Variants in STK35 observed in about 807,000 individuals in gnomAD.
STK35 encodes serine/threonine-protein kinase 35.
A neutral mutation model predicts 37.3 loss-of-function variants in STK35; 17 were observed. That is an observed-to-expected ratio of 0.46 (90% CI 0.31 to 0.68). STK35 has a LOEUF of 0.68. STK35 is among the 30% of genes least tolerant of loss of function. STK35 has a pLI of 0.05. For missense variants in STK35, 595 were observed against 746.7 expected (o/e 0.80, Z 2.37); for synonymous variants, 385 against 319.1 (o/e 1.21, Z -2.20).
At chr20:2,138,699 C>T (rs1310549722) in intron 3 of STK35, among the ~76,000 whole-genome samples, 3 of 152,140 alleles carry the variant, frequency 2.0e-5, no homozygotes, top group Non-Finnish European at 4.4e-5. Flanking sequence ...TTCCTACTTA[C>T]TTTCATCATC....
intron 3 of STK35, among the ~76,000 whole-genome samples, chr20:2,129,688 G>C (rs536263831): frequency 4.7e-4 from 72 of 152,332 alleles, no homozygotes; most frequent in African/African-American, 1.6e-3. Flanking sequence ...CATAGGTACA[G>C]TTTCAGTTGT....
At chr20:2,108,386 T>TG (rs1167866883) in intron 2 of STK35, among the ~76,000 whole-genome samples, 1 of 152,034 alleles carries the variant, frequency 6.6e-6, no homozygotes, top group Non-Finnish European at 1.5e-5. Context: ...GGCGGGCGCC[T>TG]GTAATCCCAG....
intron 2 of STK35, among the ~76,000 whole-genome samples, chr20:2,114,806 TCTTC>T (rs755774637): frequency 1.7e-4 from 26 of 152,390 alleles, no homozygotes; most frequent in Non-Finnish European, 2.9e-5. Context: ...CCATCATTCC[TCTTC>T]CTTTATTCCC....
At chr20:2,115,911 T>C (rs1316265347) in intron 2 of STK35, among the ~76,000 whole-genome samples, 2 of 151,972 alleles carry the variant, frequency 1.3e-5, no homozygotes, top group African/African-American at 2.4e-5. Flanking sequence ...CCCTTCACTG[T>C]TTATATGAGT....
intron 3 of STK35, among the ~76,000 whole-genome samples, chr20:2,134,741 A>G (rs1334188050): frequency 4.6e-5 from 7 of 151,996 alleles, no homozygotes; most frequent in Non-Finnish European, 1.0e-4. Context: ...AAATACAAAA[A>G]TTAGCCGGGC....
chr20:2,117,669 T>C lies in STK35; in HGVS notation c.*37+254T>C, dbSNP rs1985741490. 6.6e-6 allele frequency among the ~76,000 whole-genome samples: 1 copy of C among 152,164 alleles called. No individual in the cohort carries two copies. Among genetic ancestry groups the C allele is most frequent in the African/African-American group, 2.4e-5 (1 of 41,442 alleles). On this transcript the variant is annotated intron_variant, in intron 3 of 3. Coordinates refer to ENST00000381482, the MANE Select transcript of STK35 (RefSeq NM_080836.4). This position sits in a 1 kb window ranked among gnomAD's most constrained non-coding sequence, Gnocchi z 4.4. ...CATGTTGGCTAGGCTGGTCTCAAAC[T>C]TCTGACCTCAAGCGATCTGCTGGTC...
chr20:2,102,240 G>C lies in STK35; in HGVS notation c.294+65G>C, dbSNP rs1033566814. On this transcript the variant is annotated intron_variant, in intron 1 of 3. Transcript: ENST00000381482. ...CTGGAGTTACTGCCACTGCCTCCGC[G>C]CTTGGGAAGGGAAATCGGGTCCTCG... 5 of 1,383,332 alleles carry C rather than the reference G, an allele frequency of 3.6e-6. No individual in the cohort carries two copies. The Admixed American group carries it at 1.6e-4, about 44-fold the overall frequency. 85.7% of individuals were successfully genotyped at this position (1,383,332 alleles called of 1,614,324 possible).
chr20:2,104,785 A>G (rs1279664937), intron 2 of STK35, among the ~76,000 whole-genome samples: 1 of 152,136 alleles, frequency 6.6e-6, no homozygotes, highest in East Asian at 1.9e-4. Context: ...TAGATGTCTA[A>G]CTTTATAAAG....
At chr20:2,143,453 C>G (rs780749969) in intron 3 of STK35, among the ~76,000 whole-genome samples, 1 of 152,170 alleles carries the variant, frequency 6.6e-6, no homozygotes, top group African/African-American at 2.4e-5. Context: ...AGGGTGGGCC[C>G]TGCGGTGTCT....
At position 2,101,891 on chromosome 20, in the gene STK35, C is replaced by CA; in HGVS notation, c.11dup (p.Glu5GlyfsTer20). 6.9e-7 allele frequency: 1 copy of CA among 1,442,236 alleles called. No individual in the cohort carries two copies. The highest frequency in any genetic ancestry group is 1.5e-5 in the African/African-American group (1 of 68,114). The allele number at this position is 1,442,236 out of a possible 1,614,324, so 89.3% of individuals were successfully genotyped here. A position where few individuals can be genotyped will look rare whatever the true frequency, so the allele number is the denominator to read the frequency against. On this transcript the variant is annotated frameshift_variant, in exon 1 of 4. Transcript: ENST00000381482. LOFTEE classifies it high-confidence loss of function. ...GCTGGCGTCCCGGGGGATGGGCCAC[C>CA]AGGAGTCTCCGCTGGCCCGGGCGCC...
intron 3 of STK35, among the ~76,000 whole-genome samples, chr20:2,118,506 C>CG (rs1985759320): frequency 6.6e-6 from 1 of 151,918 alleles, no homozygotes; most frequent in Non-Finnish European, 1.5e-5. Context: ...GGTGTGAACC[C>CG]GGGAGGCGGA....
Position 2,102,162 on chromosome 20 carries a change from G to A in STK35, c.281G>A (p.Arg94Lys), listed in dbSNP as rs1356242781. ...GGGAAACGGGCCGCCCGGAAGTGGAGGTGCGCGGGCCAGGTAAGGGCGCCG... is the reference window on the plus strand; with the variant it reads ...GGGAAACGGGCCGCCCGGAAGTGGAAGTGCGCGGGCCAGGTAAGGGCGCCG... ...PGGKRAARKW[R>K]CAGQVTIQGP... The change falls in exon 1 of 4, where the codon AGG becomes AAG. Residue 94 changes from arginine to lysine, a missense_variant. This residue lies in a region of STK35 where 389 missense variants were observed against 320.0 expected (regional missense o/e 1.22). Coordinates refer to ENST00000381482, the MANE Select transcript of STK35 (RefSeq NM_080836.4). The A allele has an allele frequency of 7.2e-7, 1 of 1,381,952 alleles. No individual in the cohort carries two copies. Among genetic ancestry groups the A allele is most frequent in the Non-Finnish European group, 9.4e-7 (1 of 1,067,904 alleles). The allele number at this position is 1,381,952 out of a possible 1,614,324, so 85.6% of individuals were successfully genotyped here.
rs752027492 is a variant in STK35, at chr20:2,103,393, A to G, written c.892+28A>G. The G allele has an allele frequency of 1.8e-5, 28 of 1,594,348 alleles. No individual in the cohort carries two copies. In the South Asian group the frequency reaches 3.1e-4, roughly 18 times the overall value. ...AGGAGCACCGCGGGCCTTTCCACCC[A>G]CGCAGGGCCTGGACCCCCTGCTCTC... On this transcript the variant is annotated intron_variant, in intron 2 of 3. Transcript: ENST00000381482.
At position 2,103,340 on chromosome 20, in the gene STK35, G is replaced by A; in HGVS notation, c.867G>A (p.Leu289=). The A allele has an allele frequency of 6.2e-7, 1 of 1,612,186 alleles. No individual in the cohort carries two copies. Among genetic ancestry groups the A allele is most frequent in the Non-Finnish European group, 8.5e-7 (1 of 1,179,264 alleles). ...SHGNKSSQLY[L]RLVETSLKGE... ...GCAACAAGAGCTCGCAGCTTTACCTGCGCCTGGTGGAGACCTCGCTGAAAG... is the reference window on the plus strand; with the variant it reads ...GCAACAAGAGCTCGCAGCTTTACCTACGCCTGGTGGAGACCTCGCTGAAAG... Residue 289 remains leucine (L), a synonymous_variant, in exon 2 of 4, where the codon CTG becomes CTA. Coordinates refer to ENST00000381482, the MANE Select transcript of STK35 (RefSeq NM_080836.4).
intron 3 of STK35, among the ~76,000 whole-genome samples, chr20:2,126,030 A>G (rs1196237250): frequency 6.6e-6 from 1 of 152,238 alleles, no homozygotes; most frequent in South Asian, 2.1e-4. Flanking sequence ...GAGTGAACCC[A>G]GGGATTTTAA....
At position 2,143,958 on chromosome 20, in the gene STK35, C is replaced by CTTTTTTTTTTTTCCTTTTTTTTTT; in HGVS notation, c.*227_*228insTTTTTTTTTTTTTTTTTTTTTCCT. The CTTTTTTTTTTTTCCTTTTTTTTTT allele has an allele frequency of 5.3e-6, 1 of 187,944 alleles. No individual in the cohort carries two copies. 11.6% of individuals were successfully genotyped at this position (187,944 alleles called of 1,614,324 possible). ...TGCTTTATTTTTTTCCTTTTCTTTT[C>CTTTTTTTTTTTTCCTTTTTTTTTT]TTTTTTTTTTTTCCTCTTTCCTTTT... On this transcript the variant is annotated 3_prime_UTR_variant, in exon 4 of 4. Transcript: ENST00000381482.
chr20:2,102,796 G>A lies in STK35; in HGVS notation c.323G>A (p.Arg108His), dbSNP rs1985423314. 6.7e-7 allele frequency: 1 copy of A among 1,489,490 alleles called. No individual in the cohort carries two copies. Among genetic ancestry groups the A allele is most frequent in the Non-Finnish European group, 8.9e-7 (1 of 1,123,064 alleles). The allele number at this position is 1,489,490 out of a possible 1,614,324, so 92.3% of individuals were successfully genotyped here. A position where few individuals can be genotyped will look rare whatever the true frequency, so the allele number is the denominator to read the frequency against. The part of the protein sequence containing the change: ...QVTIQGPAPP[R>H]PRAGRRDEAG... ...ACAATCCAAGGTCCGGCTCCTCCGC[G>A]TCCCAGGGCCGGACGGAGGGATGAG... The change falls in exon 2 of 4, where the codon CGT becomes CAT. Residue 108 changes from arginine to histidine, a missense_variant. This residue lies in a region of STK35 where 389 missense variants were observed against 320.0 expected (regional missense o/e 1.22). Transcript: ENST00000381482.
At chr20:2,118,025 A>G (rs1294244339) in intron 3 of STK35, among the ~76,000 whole-genome samples, 3 of 152,224 alleles carry the variant, frequency 2.0e-5, no homozygotes, top group African/African-American at 4.8e-5. Flanking sequence ...GAAAATGTGC[A>G]TAAGAGGTAG....
chr20:2,123,293 A>C (rs748983377), intron 3 of STK35, among the ~76,000 whole-genome samples: 1 of 152,218 alleles, frequency 6.6e-6, no homozygotes, highest in Non-Finnish European at 1.5e-5. Context: ...GTAGCTGCCT[A>C]ACATCAGAGA....
Sources: allele counts gnomAD v4.1 joint callset (sites outside exome capture counted in the v4.1 genomes callset), GRCh38; gene constraint gnomAD v4.1.1; regional missense constraint gnomAD v4.1.1; non-coding constraint Gnocchi (gnomAD v3.1); transcripts MANE v1.5; gene names NCBI Gene and HGNC (gene_info 2026-07-23, HGNC 2026-07-21).